Variants in LRMDA observed in about 807,000 individuals in gnomAD.
LRMDA encodes leucine rich melanocyte differentiation associated.
In LRMDA, 18 loss-of-function variants were observed where a neutral mutation model predicts 29.8. The ratio of observed to expected loss-of-function variants is 0.60; its 90% CI spans 0.42 to 0.90. LRMDA has a LOEUF of 0.90. LRMDA is among the 40% of genes least tolerant of loss of function. LRMDA has a pLI of 0.00. For missense variants in LRMDA, 273 were observed against 273.9 expected, an observed-to-expected ratio of 1.00 and a Z score of 0.02; for synonymous variants, 125 against 109.4, an observed-to-expected ratio of 1.14 and a Z score of -0.89.
intron 6 of LRMDA, among the ~76,000 whole-genome samples, chr10:76,408,886 T>C (rs1458194540): frequency 6.6e-6 from 1 of 152,198 alleles, no homozygotes; most frequent in Admixed American, 6.5e-5. Flanking sequence ...ATTATAAACA[T>C]GCACAGATGG....
At chr10:75,613,372 C>G (rs934882077) in intron 2 of LRMDA, among the ~76,000 whole-genome samples, 39 of 152,136 alleles carry the variant, frequency 2.6e-4, no homozygotes, top group African/African-American at 9.4e-4. Context: ...GGAGACCAGG[C>G]AATGAGTGGT....
At chr10:75,846,603 CT>C (rs1844642003) in intron 2 of LRMDA, among the ~76,000 whole-genome samples, 1 of 152,104 alleles carries the variant, frequency 6.6e-6, no homozygotes. Context: ...TTCATTAAGT[CT>C]TTTATTCATT....
chr10:75,963,104 A>G (rs74149841), intron 2 of LRMDA, among the ~76,000 whole-genome samples: 2,747 of 152,336 alleles, frequency 0.018, 69 homozygotes, highest in East Asian at 0.064. Flanking sequence ...GTCCCTGTCA[A>G]TAGTTGATAA....
chr10:76,542,034 C>T (rs916483136), intron 6 of LRMDA, among the ~76,000 whole-genome samples: 1 of 146,818 alleles, frequency 6.8e-6, no homozygotes, highest in Non-Finnish European at 1.5e-5. Context: ...TGTATACATG[C>T]ATGCATGTAG....
chr10:75,692,550 T>C (rs1322003214), intron 2 of LRMDA, among the ~76,000 whole-genome samples: 1 of 138,980 alleles, frequency 7.2e-6, no homozygotes, highest in East Asian at 2.2e-4. Flanking sequence ...TATATACACA[T>C]ATACATATGT....
chr10:76,100,701 C>G (rs1849382149), intron 5 of LRMDA, among the ~76,000 whole-genome samples: 1 of 152,192 alleles, frequency 6.6e-6, no homozygotes, highest in Non-Finnish European at 1.5e-5. Context: ...CCCAGCATGA[C>G]AGTGTATGCT....
chr10:76,114,218 A>G (rs1272884902), intron 5 of LRMDA, among the ~76,000 whole-genome samples: 1 of 152,212 alleles, frequency 6.6e-6, no homozygotes, highest in Non-Finnish European at 1.5e-5. Flanking sequence ...AAACTTTTCT[A>G]ATATGTCACT....
intron 6 of LRMDA, among the ~76,000 whole-genome samples, chr10:76,482,716 T>G (rs553718823): frequency 6.6e-6 from 1 of 152,094 alleles, no homozygotes; most frequent in East Asian, 1.9e-4. Flanking sequence ...GGTCTTGCTG[T>G]GAATAGAATG....
chr10:75,836,772 CCT>C (rs1405078071), intron 2 of LRMDA, among the ~76,000 whole-genome samples: 1 of 152,144 alleles, frequency 6.6e-6, no homozygotes, highest in Non-Finnish European at 1.5e-5. Context: ...CCTCTTATTT[CCT>C]CTCTCTCCGA....
At chr10:76,474,621 C>T (rs1356313194) in intron 6 of LRMDA, among the ~76,000 whole-genome samples, 1 of 151,560 alleles carries the variant, frequency 6.6e-6, no homozygotes, top group Admixed American at 6.6e-5. Context: ...AACACACCAC[C>T]AGAGGCTCAA....
intron 5 of LRMDA, among the ~76,000 whole-genome samples, chr10:76,169,322 A>G (rs1239475743): frequency 2.6e-5 from 4 of 152,166 alleles, no homozygotes; most frequent in Non-Finnish European, 4.4e-5. Flanking sequence ...GTTTCATCCT[A>G]TAAGGAAAAC....
chr10:75,535,096 T>G (rs1839931407), intron 2 of LRMDA, among the ~76,000 whole-genome samples: 1 of 152,238 alleles, frequency 6.6e-6, no homozygotes, highest in Non-Finnish European at 1.5e-5. Flanking sequence ...TTCACTATTT[T>G]TGGTAAAAGA....
intron 2 of LRMDA, among the ~76,000 whole-genome samples, chr10:75,542,824 C>T (rs968483182): frequency 1.3e-5 from 2 of 152,176 alleles, no homozygotes; most frequent in African/African-American, 2.4e-5. Flanking sequence ...AGATTGGTTT[C>T]GCTTGATCCA....
At chr10:76,058,641 G>C in intron 4 of LRMDA, 25 bp from the exon 5 acceptor site, 1 of 1,587,462 alleles carries the variant, frequency 6.3e-7, no homozygotes, top group Non-Finnish European at 8.7e-7. Flanking sequence ...AACTTCCTGA[G>C]TTGTCTCTGA....
chr10:75,933,944 C>T lies in LRMDA; in HGVS notation c.132-102064C>T, dbSNP rs562782050. On this transcript the variant is annotated intron_variant, in intron 2 of 6. Coordinates refer to ENST00000611255, the MANE Select transcript of LRMDA (RefSeq NM_001305581.2). ...CCAGCTGTAAAGGTAATATACTGCACAGCTGTAAACAGCATCCCTAAGAAC... is the reference window on the plus strand; with the variant it reads ...CCAGCTGTAAAGGTAATATACTGCATAGCTGTAAACAGCATCCCTAAGAAC... 1.9e-3 allele frequency among the ~76,000 whole-genome samples: 283 copies of T among 152,278 alleles called. 3 individuals carry two copies. Among genetic ancestry groups the T allele is most frequent in the African/African-American group, 6.7e-3 (278 of 41,558 alleles).
At chr10:76,017,191 C>T (rs1408084183) in intron 2 of LRMDA, among the ~76,000 whole-genome samples, 1 of 152,146 alleles carries the variant, frequency 6.6e-6, no homozygotes, top group East Asian at 1.9e-4. Context: ...GCATGAAGGC[C>T]GGAGTTAGGC....
intron 2 of LRMDA, among the ~76,000 whole-genome samples, chr10:75,722,030 G>T (rs1023950321): frequency 1.3e-5 from 2 of 152,108 alleles, no homozygotes; most frequent in Non-Finnish European, 2.9e-5. Flanking sequence ...GTGACGGCAA[G>T]ATTATAAAAA....
intron 6 of LRMDA, among the ~76,000 whole-genome samples, chr10:76,440,168 G>C (rs1051034117): frequency 6.6e-6 from 1 of 152,224 alleles, no homozygotes; most frequent in Non-Finnish European, 1.5e-5. Context: ...GGGAGGCAAT[G>C]AGGGCAAAGA....
chr10:75,540,977 T>C lies in LRMDA; in HGVS notation c.131+102483T>C, dbSNP rs564616477. On this transcript the variant is annotated intron_variant, in intron 2 of 6. Coordinates refer to ENST00000611255, the MANE Select transcript of LRMDA (RefSeq NM_001305581.2). ...AACTTAGGGAAACAAGTTTTGTTGT[T>C]TTTTTTTTAAAAAGGAAAAAAACAG... 2.3e-4 allele frequency among the ~76,000 whole-genome samples: 33 copies of C among 144,676 alleles called. No homozygotes were observed. In the Middle Eastern group the frequency reaches 0.01, roughly 45 times the overall value. The allele number at this position is 144,676 out of a possible 152,430, so 94.9% of individuals were successfully genotyped here. A position where few individuals can be genotyped will look rare whatever the true frequency, so the allele number is the denominator to read the frequency against.
Sources: allele counts gnomAD v4.1 joint callset (sites outside exome capture counted in the v4.1 genomes callset), GRCh38; gene constraint gnomAD v4.1.1; transcripts MANE v1.5; gene names NCBI Gene and HGNC (gene_info 2026-07-23, HGNC 2026-07-21).